The following CABCOCO1 variants were observed in gnomAD, a reference collection of about 807,000 sequenced individuals.
CABCOCO1 encodes ciliary-associated calcium-binding coiled-coil protein 1.
Under a neutral mutation model 35.7 loss-of-function variants are expected in CABCOCO1, and 28 were observed. The observed-to-expected ratio is 0.78, with a 90% confidence interval of 0.58 to 1.07. The LOEUF is 1.07. Ranked by LOEUF, CABCOCO1 falls within the 50% of genes least tolerant of loss-of-function variation. The probability of loss-of-function intolerance (pLI) is 0.00; values close to 1 mark genes in which losing one functional copy is unlikely to be tolerated. For missense variants in CABCOCO1, 326 were observed against 309.2 expected (o/e 1.05, Z -0.41); for synonymous variants, 95 against 100.1 (o/e 0.95, Z 0.30).
chr10:61,736,517 A>G (rs1264003210), intron 5 of CABCOCO1, among the ~76,000 whole-genome samples: 2 of 152,074 alleles, frequency 1.3e-5, no homozygotes. Context: ...TTTTTGTATC[A>G]ATACCATGCT....
At chr10:61,743,729 C>T (rs1029820173) in intron 5 of CABCOCO1, among the ~76,000 whole-genome samples, 2 of 152,146 alleles carry the variant, frequency 1.3e-5, no homozygotes, top group Non-Finnish European at 2.9e-5. Flanking sequence ...ATGCCACTTC[C>T]TCTGTCTGTC....
At position 61,680,637 on chromosome 10, in the gene CABCOCO1, CAT is replaced by C. The variant is rs1564532548; in HGVS notation, c.165-500_165-499del. ...TTATACATAACATATACATGTTATA[CAT>C]ATATAATATATATTATGTTATACAT... On this transcript the variant is annotated intron_variant, in intron 2 of 7. Coordinates refer to ENST00000648843, the MANE Select transcript of CABCOCO1 (RefSeq NM_001366906.2). 1.3e-4 allele frequency among the ~76,000 whole-genome samples: 7 copies of C among 53,040 alleles called. 2 individuals carry two copies. Among genetic ancestry groups the C allele is most frequent in the Admixed American group, 5.7e-4 (2 of 3,512 alleles). The allele number at this position is 53,040 out of a possible 152,430, so 34.8% of individuals were successfully genotyped here. A position where few individuals can be genotyped will look rare whatever the true frequency, so the allele number is the denominator to read the frequency against.
intron 5 of CABCOCO1, among the ~76,000 whole-genome samples, chr10:61,750,340 C>T (rs1375138142): frequency 6.6e-6 from 1 of 152,180 alleles, no homozygotes; most frequent in Non-Finnish European, 1.5e-5. Flanking sequence ...ACTTTGGAGG[C>T]CGAGGCAGGT....
intron 2 of CABCOCO1, among the ~76,000 whole-genome samples, chr10:61,677,811 GTTTTTTT>G (rs35492889): frequency 3.3e-5 from 2 of 60,308 alleles, no homozygotes; most frequent in Admixed American, 2.6e-4. Flanking sequence ...TTTTTTGGGT[GTTTTTTT>G]TTTTTTTTTT....
intron 5 of CABCOCO1, among the ~76,000 whole-genome samples, chr10:61,713,041 C>T (rs1028618212): frequency 7.9e-5 from 12 of 152,114 alleles, no homozygotes; most frequent in East Asian, 1.9e-4. Flanking sequence ...AATTCTGTGA[C>T]GAAAGTCATT....
At chr10:61,700,761 TA>T (rs916044345) in intron 5 of CABCOCO1, among the ~76,000 whole-genome samples, 2 of 152,102 alleles carry the variant, frequency 1.3e-5, no homozygotes, top group Admixed American at 6.6e-5. Context: ...AGAAGAAGTT[TA>T]AAATTCTTAT....
At chr10:61,731,668 C>T (rs893369084) in intron 5 of CABCOCO1, among the ~76,000 whole-genome samples, 5 of 149,458 alleles carry the variant, frequency 3.3e-5, no homozygotes, top group African/African-American at 9.8e-5. Flanking sequence ...TTGCTTTTGA[C>T]GTGATATTTT....
At chr10:61,689,995 G>T (rs1418580700) in intron 4 of CABCOCO1, among the ~76,000 whole-genome samples, 1 of 152,046 alleles carries the variant, frequency 6.6e-6, no homozygotes, top group African/African-American at 2.4e-5. Context: ...TTTCATGTAT[G>T]ACCGAATATT....
intron 5 of CABCOCO1, among the ~76,000 whole-genome samples, chr10:61,758,113 A>C (rs1304142829): frequency 6.6e-6 from 1 of 151,996 alleles, no homozygotes; most frequent in African/African-American, 2.4e-5. Flanking sequence ...AGTAGACTCC[A>C]TTCAATTCCT....
intron 5 of CABCOCO1, among the ~76,000 whole-genome samples, chr10:61,753,504 A>G (rs993432788): frequency 5.3e-5 from 8 of 152,168 alleles, no homozygotes; most frequent in African/African-American, 1.9e-4. Context: ...CATTTTCACA[A>G]GAGAGACGTG....
chr10:61,707,119 G>A (rs1364790460), intron 5 of CABCOCO1, among the ~76,000 whole-genome samples: 1 of 152,182 alleles, frequency 6.6e-6, no homozygotes, highest in African/African-American at 2.4e-5. Context: ...ATGTATGTGC[G>A]TGGTGTCCAG....
intron 5 of CABCOCO1, among the ~76,000 whole-genome samples, chr10:61,746,557 T>A (rs10994907): frequency 0.22 from 33,892 of 152,114 alleles, 4,287 homozygotes; most frequent in East Asian, 0.55. Flanking sequence ...ATCAGCTTGC[T>A]ACACAATTAT....
chr10:61,759,998 A>C, intron 5 of CABCOCO1, 61 bp from the exon 6 acceptor site: 2 of 1,597,712 alleles, frequency 1.3e-6, no homozygotes, highest in South Asian at 1.1e-5. Context: ...AACGGAACTG[A>C]CCGAAACTGT....
chr10:61,701,221 CA>C (rs1430468847), intron 5 of CABCOCO1, among the ~76,000 whole-genome samples: 2 of 151,958 alleles, frequency 1.3e-5, no homozygotes, highest in Non-Finnish European at 2.9e-5. Flanking sequence ...CTTAAATTAC[CA>C]AAGTTTTACT....
At chr10:61,693,879 A>G (rs1324441954) in intron 5 of CABCOCO1, among the ~76,000 whole-genome samples, 1 of 151,158 alleles carries the variant, frequency 6.6e-6, no homozygotes, top group African/African-American at 2.4e-5. Context: ...ATAAAAAAAA[A>G]TAACAGGTGA....
chr10:61,742,685 T>A (rs1281053181), intron 5 of CABCOCO1, among the ~76,000 whole-genome samples: 1 of 152,220 alleles, frequency 6.6e-6, no homozygotes, highest in South Asian at 2.1e-4. Flanking sequence ...CTTATTACAG[T>A]GCCCAGCATA....
intron 4 of CABCOCO1, among the ~76,000 whole-genome samples, chr10:61,686,429 T>G (rs1839966972): frequency 6.6e-6 from 1 of 152,142 alleles, no homozygotes; most frequent in African/African-American, 2.4e-5. Flanking sequence ...AAAAAAGGTT[T>G]GCGTTTGATA....
chr10:61,688,907 A>G (rs76040067), intron 4 of CABCOCO1, among the ~76,000 whole-genome samples: 3,336 of 152,340 alleles, frequency 0.022, 47 homozygotes, highest in South Asian at 0.06. Context: ...CGCTCCTGGT[A>G]AAGCTGGACA....
intron 3 of CABCOCO1, among the ~76,000 whole-genome samples, chr10:61,682,977 G>A (rs990578894): frequency 6.8e-6 from 1 of 147,308 alleles, no homozygotes. Flanking sequence ...TGCAACCTCC[G>A]CCTCCTGGAT....
Sources: gnomAD v4.1 joint callset for allele counts (sites outside exome capture counted in the v4.1 genomes callset) on GRCh38, gnomAD v4.1.1 for gene constraint, MANE v1.5 for transcripts, NCBI Gene and HGNC (gene_info 2026-07-23, HGNC 2026-07-21) for gene names.